Variants in LRP1B observed in about 807,000 individuals in gnomAD.
LRP1B encodes the protein LDL receptor related protein 1B, also known as low-density lipoprotein receptor-related protein 1B.
LRP1B carries 217 observed loss-of-function variants against 556.6 expected under a neutral mutation model. The observed-to-expected ratio is 0.39, with a 90% CI of 0.35 to 0.44. LRP1B has a LOEUF of 0.44. Among genes scored for constraint, LRP1B ranks in the 20% least tolerant of loss-of-function variants. The pLI is 1.00. For synonymous variants in LRP1B, 2,047 were observed against 1,865.8 expected (o/e 1.10, Z -2.50); for missense variants, 5,053 against 5,620.8 (o/e 0.90, Z 3.23).
chr2:140,245,446 AATT>A (rs1430063414), intron 87 of LRP1B, among the ~76,000 whole-genome samples: 1 of 151,412 alleles, frequency 6.6e-6, no homozygotes, highest in Admixed American at 6.6e-5. Context: ...AGTTTTAAAA[AATT>A]TTTTAAATTG....
intron 3 of LRP1B, among the ~76,000 whole-genome samples, chr2:141,311,397 G>A (rs1686809045): frequency 6.6e-6 from 1 of 151,970 alleles, no homozygotes; most frequent in African/African-American, 2.4e-5. Flanking sequence ...TAGGATACTG[G>A]GGAAACTGGG....
At chr2:140,924,480 C>T (rs1030701418) in intron 20 of LRP1B, among the ~76,000 whole-genome samples, 2 of 151,968 alleles carry the variant, frequency 1.3e-5, no homozygotes, top group African/African-American at 4.8e-5. Flanking sequence ...TAAAGATGTT[C>T]AAGATGGACT....
chr2:141,802,157 T>C (rs1696028693), intron 2 of LRP1B, among the ~76,000 whole-genome samples: 1 of 152,064 alleles, frequency 6.6e-6, no homozygotes, highest in South Asian at 2.1e-4. Flanking sequence ...CAGTCAGAGG[T>C]GTTGGGAAGT....
In LRP1B at chr2:140,655,032, G is replaced by GTGTATATATATATATATATATATATATA. The variant is rs767709816; in HGVS notation, c.6799+45217_6799+45218insTATATATATATATATATATATATATACA. On this transcript the variant is annotated intron_variant, in intron 41 of 90. Coordinates refer to ENST00000389484, the MANE Select transcript of LRP1B (RefSeq NM_018557.3). Reference sequence around the variant, plus strand: ...GAGAAATTTGTATGGGTATATGTATGTATATATATATATATCTCCTAGCTC... The same window carrying GTGTATATATATATATATATATATATATA: ...GAGAAATTTGTATGGGTATATGTATGTGTATATATATATATATATATATATATATATATATATATATATCTCCTAGCTC... Among the ~76,000 whole-genome samples the GTGTATATATATATATATATATATATATA allele has an allele frequency of 3.4e-4, 50 of 147,146 alleles. 1 individual carries two copies. Among genetic ancestry groups the GTGTATATATATATATATATATATATATA allele is most frequent in the African/African-American group, 1.0e-3 (41 of 39,296 alleles).
At chr2:141,601,652 T>TTTC (rs1687747893) in intron 2 of LRP1B, among the ~76,000 whole-genome samples, 1 of 151,716 alleles carries the variant, frequency 6.6e-6, no homozygotes, top group South Asian at 2.1e-4. Flanking sequence ...CCTTTTTTTT[T>TTTC]CCTTCCTTCC....
At chr2:141,629,152 G>A (rs564520046) in intron 2 of LRP1B, among the ~76,000 whole-genome samples, 152 of 152,192 alleles carry the variant, frequency 1.0e-3, no homozygotes, top group Admixed American at 3.2e-3. Context: ...TGGGTCTTTG[G>A]AAAAGCAAGG....
chr2:140,881,236 G>A (rs1414847423), intron 25 of LRP1B, among the ~76,000 whole-genome samples: 1 of 142,658 alleles, frequency 7.0e-6, no homozygotes, highest in Non-Finnish European at 1.5e-5. Context: ...TCTTGTGCTT[G>A]GCTTGGCTTT....
chr2:141,436,238 A>T (rs1332714899), intron 3 of LRP1B, among the ~76,000 whole-genome samples: 3 of 152,190 alleles, frequency 2.0e-5, no homozygotes, highest in Non-Finnish European at 4.4e-5. Flanking sequence ...CATATCCATC[A>T]CCATATGTAG....
chr2:140,733,219 T>C (rs1302136137), intron 35 of LRP1B, among the ~76,000 whole-genome samples: 1 of 152,164 alleles, frequency 6.6e-6, no homozygotes, highest in African/African-American at 2.4e-5. Context: ...ATTTAGTCAA[T>C]GTATAGTACG....
intron 11 of LRP1B, among the ~76,000 whole-genome samples, chr2:141,039,218 G>C (rs1168008839): frequency 6.6e-6 from 1 of 152,088 alleles, no homozygotes. Context: ...CAGGTTGTAA[G>C]ATTGACAGAC....
At chr2:140,477,794 G>T (rs944020646) in intron 59 of LRP1B, among the ~76,000 whole-genome samples, 1 of 151,998 alleles carries the variant, frequency 6.6e-6, no homozygotes, top group Admixed American at 6.6e-5. Context: ...AGTAAGTTTG[G>T]TAAGAGTTCC....
intron 41 of LRP1B, among the ~76,000 whole-genome samples, chr2:140,694,473 T>C (rs1340914140): frequency 6.6e-6 from 1 of 152,216 alleles, no homozygotes; most frequent in Non-Finnish European, 1.5e-5. Context: ...TGTCTACTAC[T>C]TCTGGTAGCA....
chr2:141,699,451 C>T (rs1169166789), intron 2 of LRP1B, among the ~76,000 whole-genome samples: 2 of 151,794 alleles, frequency 1.3e-5, no homozygotes, highest in Non-Finnish European at 2.9e-5. Flanking sequence ...TGACTAATCA[C>T]TCCAAGGGCA....
At chr2:140,444,912 CAT>C (rs1000020317) in intron 63 of LRP1B, among the ~76,000 whole-genome samples, 6 of 151,966 alleles carry the variant, frequency 3.9e-5, no homozygotes, top group Non-Finnish European at 1.5e-5. Context: ...GAATTAATAA[CAT>C]ATAAATATAT....
intron 41 of LRP1B, among the ~76,000 whole-genome samples, chr2:140,617,742 T>TA (rs1301404672): frequency 1.3e-5 from 2 of 152,060 alleles, no homozygotes; most frequent in Non-Finnish European, 2.9e-5. Flanking sequence ...TTATCATTCA[T>TA]AAAAATATAA....
At chr2:141,861,240 C>T (rs1044490023) in intron 1 of LRP1B, among the ~76,000 whole-genome samples, 3 of 152,132 alleles carry the variant, frequency 2.0e-5, no homozygotes, top group Admixed American at 6.5e-5. Context: ...CAAATGTCCC[C>T]TCAATCCTCT....
At chr2:142,114,167 T>C (rs976442619) in intron 1 of LRP1B, among the ~76,000 whole-genome samples, 1 of 152,174 alleles carries the variant, frequency 6.6e-6, no homozygotes, top group African/African-American at 2.4e-5. Context: ...GACTTGCTTA[T>C]GCTTCTTTTT....
At chr2:141,404,888 T>G (rs911628289) in intron 3 of LRP1B, among the ~76,000 whole-genome samples, 14 of 143,060 alleles carry the variant, frequency 9.8e-5, no homozygotes, top group East Asian at 2.0e-4. Context: ...AGAGAATATG[T>G]TTTTTTTTTT....
chr2:141,110,694 A>C (rs1250835275), intron 7 of LRP1B, among the ~76,000 whole-genome samples: 1 of 152,020 alleles, frequency 6.6e-6, no homozygotes, highest in African/African-American at 2.4e-5. Context: ...ATGGCCCTAA[A>C]ACTACCCTAG....
Sources: gnomAD v4.1 joint callset for allele counts (sites outside exome capture counted in the v4.1 genomes callset) on GRCh38, gnomAD v4.1.1 for gene constraint, MANE v1.5 for transcripts, NCBI Gene and HGNC (gene_info 2026-07-23, HGNC 2026-07-21) for gene names.